The following TRAK1 variants were observed in gnomAD, a reference collection of about 807,000 sequenced individuals.
The protein encoded by TRAK1 is trafficking kinesin-binding protein 1.
A neutral mutation model predicts 92.1 loss-of-function variants in TRAK1; 33 were observed. That is an observed-to-expected ratio of 0.36 (90% CI 0.27 to 0.48). The LOEUF (loss-of-function observed/expected upper bound fraction) is 0.48, where lower values mean the gene tolerates loss of function less well. Ranked by LOEUF, TRAK1 falls within the 20% of genes least tolerant of loss-of-function variation. TRAK1 has a pLI of 0.99. For missense variants in TRAK1, 1,123 were observed against 1,257.9 expected (o/e 0.89, Z 1.62); for synonymous variants, 521 against 517.3 (o/e 1.01, Z -0.10).
At chr3:42,171,078 G>GT (rs1576770213) in intron 2 of TRAK1, among the ~76,000 whole-genome samples, 1 of 152,068 alleles carries the variant, frequency 6.6e-6, no homozygotes, top group African/African-American at 2.4e-5. Flanking sequence ...GCCTCCCAAA[G>GT]TGCTGGGATT....
chr3:42,219,400 C>A, intron 14 of TRAK1, 94 bp from the exon 15 acceptor site: 1 of 1,602,166 alleles, frequency 6.2e-7, no homozygotes, highest in South Asian at 1.1e-5. Flanking sequence ...GGTAGCTCAT[C>A]ACTTCTTGCA....
rs201359747 is a variant in TRAK1, at chr3:42,223,689, G to A, written c.2814G>A (p.Ser938=). The stretch of plus-strand genomic sequence containing the variant: ...TGAAAGCTCCTGTGACTCTCACCTC[G>A]GGCATCTTGATGGGTGCTAAGCTCT... ...MQMKAPVTLT[S]GILMGAKLSK... is the part of the protein sequence containing the mutation. Residue 938 remains serine (S), a synonymous_variant, in exon 16 of 16, where the codon TCG becomes TCA. Transcript: ENST00000327628. This position sits in a 1 kb window ranked among gnomAD's most constrained non-coding sequence, Gnocchi z 6.1. The A allele has an allele frequency of 1.1e-5, 17 of 1,613,830 alleles. No individual in the cohort carries two copies. The highest frequency in any genetic ancestry group is 2.7e-5 in the African/African-American group (2 of 75,030).
In TRAK1 at chr3:42,222,930, T is replaced by C. The variant is rs3733054; in HGVS notation, c.2067-12T>C. On this transcript the variant is annotated splice_polypyrimidine_tract_variant and intron_variant, in intron 15 of 15. Transcript: ENST00000327628. Reference sequence around the variant, plus strand: ...GCATTTCTGGTGAATAACCTGTCATTTCTTCTTTCAGCCTTAACTCAGCCC... The same window carrying C: ...GCATTTCTGGTGAATAACCTGTCATCTCTTCTTTCAGCCTTAACTCAGCCC... The C allele has an allele frequency of 0.43, 684,407 of 1,604,792 alleles. 149,633 individuals are homozygous for C. Among genetic ancestry groups the C allele is most frequent in the African/African-American group, 0.65 (48,990 of 74,796 alleles).
intron 14 of TRAK1, chr3:42,217,683 A>G: frequency 1.0e-6 from 1 of 985,102 alleles, no homozygotes; most frequent in South Asian, 4.7e-5. Flanking sequence ...CTCTCTTTCA[A>G]CTGTGTTGTC....
chr3:42,193,514 A>G (rs1183993033), intron 8 of TRAK1, among the ~76,000 whole-genome samples: 2 of 152,104 alleles, frequency 1.3e-5, no homozygotes, highest in Non-Finnish European at 2.9e-5. Flanking sequence ...TGCACTAGAT[A>G]TGTGCTGCAG....
chr3:42,181,519 G>A (rs918203308), intron 3 of TRAK1, among the ~76,000 whole-genome samples: 3 of 152,216 alleles, frequency 2.0e-5, no homozygotes, highest in Admixed American at 1.3e-4. Context: ...ACTCCAGCCT[G>A]GGCGACAGAT....
chr3:42,071,654 G>C (rs1453955506), intron 1 of TRAK1, among the ~76,000 whole-genome samples: 1 of 151,570 alleles, frequency 6.6e-6, no homozygotes, highest in African/African-American at 2.4e-5. Flanking sequence ...GTTGCAGTGA[G>C]CTGAGATCGC....
chr3:42,188,985 C>G, intron 5 of TRAK1, 31 bp from the exon 6 acceptor site: 4 of 1,519,742 alleles, frequency 2.6e-6, no homozygotes, highest in Non-Finnish European at 3.7e-6. Flanking sequence ...AAATGCGTCT[C>G]CCTAGGTTGT....
At chr3:42,157,705 G>A (rs1286150965) in intron 2 of TRAK1, among the ~76,000 whole-genome samples, 1 of 152,076 alleles carries the variant, frequency 6.6e-6, no homozygotes, top group African/African-American at 2.4e-5. Context: ...TGAAGACTCA[G>A]AAATTGTTCC....
Position 42,189,136 on chromosome 3 carries a change from T to A in TRAK1, c.690+12T>A. ...TACTTCGATCCGAGGTGATGTGCCC[T>A]CCCTTCTCTTGCCCCTGCTAGAAGG... On this transcript the variant is annotated intron_variant, in intron 6 of 15. Transcript: ENST00000327628. 6.3e-7 allele frequency: 1 copy of A among 1,594,640 alleles called. No individual in the cohort carries two copies. Among genetic ancestry groups the A allele is most frequent in the South Asian group, 1.1e-5 (1 of 90,594 alleles).
chr3:42,104,757 A>G (rs1707282462), intron 1 of TRAK1, among the ~76,000 whole-genome samples: 1 of 152,190 alleles, frequency 6.6e-6, no homozygotes, highest in South Asian at 2.1e-4. Context: ...CCAGAGCAGA[A>G]AAGCTGAAAA....
intron 2 of TRAK1, among the ~76,000 whole-genome samples, chr3:42,163,132 G>T (rs1243515757): frequency 6.6e-6 from 1 of 152,192 alleles, no homozygotes; most frequent in Non-Finnish European, 1.5e-5. Flanking sequence ...TGAACAACTT[G>T]TCTAAAGTCA....
intron 1 of TRAK1, among the ~76,000 whole-genome samples, chr3:42,110,281 A>G (rs1309539949): frequency 6.6e-6 from 1 of 151,586 alleles, no homozygotes; most frequent in African/African-American, 2.4e-5. Flanking sequence ...CACACAAACA[A>G]TAGAGGGAAA....
intron 2 of TRAK1, among the ~76,000 whole-genome samples, chr3:42,127,472 C>T (rs1710734928): frequency 6.6e-6 from 1 of 151,722 alleles, no homozygotes; most frequent in African/African-American, 2.4e-5. Flanking sequence ...CCCACCTTAG[C>T]TTCCTGAGTA....
chr3:42,199,764 A>C (rs1224046475), intron 11 of TRAK1, among the ~76,000 whole-genome samples: 3 of 152,218 alleles, frequency 2.0e-5, no homozygotes, highest in Non-Finnish European at 4.4e-5. Context: ...CCTGTGAGCC[A>C]CTGTGCTCCT....
intron 1 of TRAK1, among the ~76,000 whole-genome samples, chr3:42,112,104 A>G (rs1296535451): frequency 2.1e-5 from 3 of 144,144 alleles, no homozygotes; most frequent in Admixed American, 1.4e-4. Context: ...CATGAACCTA[A>G]TGGTAATCTA....
intron 2 of TRAK1, among the ~76,000 whole-genome samples, chr3:42,128,715 A>C (rs545476924): frequency 1.1e-3 from 165 of 152,378 alleles, no homozygotes; most frequent in Admixed American, 4.8e-3. Context: ...AGTAGAAATC[A>C]CAGATATTTT....
chr3:42,024,638 T>C (rs1701850379), intron 1 of TRAK1, among the ~76,000 whole-genome samples: 1 of 152,234 alleles, frequency 6.6e-6, no homozygotes, highest in Admixed American at 6.5e-5. Flanking sequence ...AAGTTAATGA[T>C]TGCCCACTTT....
At chr3:42,013,760 C>A (rs1411445555), upstream of TRAK1, 2 of 148,752 alleles carry the variant, frequency 1.3e-5, no homozygotes, top group East Asian at 3.9e-4. This position sits in a 1 kb window ranked among gnomAD's most constrained non-coding sequence, Gnocchi z 5.1. Flanking sequence ...CCCGCGCGCC[C>A]CGAGCCCTTG....
Sources: allele counts gnomAD v4.1 joint callset (sites outside exome capture counted in the v4.1 genomes callset), GRCh38; gene constraint gnomAD v4.1.1; non-coding constraint Gnocchi (gnomAD v3.1); transcripts MANE v1.5; gene names NCBI Gene and HGNC (gene_info 2026-07-23, HGNC 2026-07-21).